COMMD10: variants seen among roughly 807,000 people sequenced by gnomAD.
COMMD10 encodes the protein COMM domain-containing protein 10.
In COMMD10, 33 loss-of-function variants were observed where a neutral mutation model predicts 28.9. The observed-to-expected ratio is 1.14, with a 90% CI of 0.87 to 1.53. The LOEUF is 1.53. COMMD10 is among the 40% of genes most tolerant of loss of function. The pLI is 0.00. For synonymous variants in COMMD10, 110 were observed against 81.7 expected, an observed-to-expected ratio of 1.35 and a Z score of -1.87; for missense variants, 310 against 233.4, an observed-to-expected ratio of 1.33 and a Z score of -2.14.
At chr5:116,231,963 C>A (rs2112655186) in intron 5 of COMMD10, among the ~76,000 whole-genome samples, 1 of 152,232 alleles carries the variant, frequency 6.6e-6, no homozygotes, top group Non-Finnish European at 1.5e-5. Context: ...AATGATACTA[C>A]TTCTCACCCC....
At chr5:116,108,732 G>GAAAA (rs1283255444) in intron 4 of COMMD10, among the ~76,000 whole-genome samples, 1 of 77,106 alleles carries the variant, frequency 1.3e-5, no homozygotes, top group African/African-American at 3.9e-5. Flanking sequence ...ATTGGGGTAT[G>GAAAA]AAAAAAACAA....
chr5:116,261,041 A>T, intron 5 of COMMD10, among the ~76,000 whole-genome samples: 1 of 151,706 alleles, frequency 6.6e-6, no homozygotes, highest in East Asian at 1.9e-4. Flanking sequence ...ACTTTTTTCT[A>T]GTAAAGCCAA....
At chr5:116,129,062 C>T (rs551156877) in intron 4 of COMMD10, among the ~76,000 whole-genome samples, 34 of 151,920 alleles carry the variant, frequency 2.2e-4, no homozygotes, top group African/African-American at 8.0e-4. Context: ...ACTATGTAAA[C>T]ATACAATTCC....
At chr5:116,279,871 C>T (rs2112706887) in intron 5 of COMMD10, among the ~76,000 whole-genome samples, 1 of 151,820 alleles carries the variant, frequency 6.6e-6, no homozygotes, top group South Asian at 2.1e-4. Flanking sequence ...GACACCCCAT[C>T]CGCTATATTT....
At chr5:116,114,732 C>T (rs559032597) in intron 4 of COMMD10, among the ~76,000 whole-genome samples, 11 of 152,166 alleles carry the variant, frequency 7.2e-5, no homozygotes, top group South Asian at 2.1e-4. Context: ...TCAGCATTGG[C>T]TGGCAAGTGG....
chr5:116,091,325 A>T, intron 3 of COMMD10, 136 bp downstream of exon 3: 2 of 470,060 alleles, frequency 4.3e-6, no homozygotes, highest in East Asian at 6.7e-5. Context: ...TTAGTTAAGA[A>T]TTTCAGTGTA....
intron 6 of COMMD10, among the ~76,000 whole-genome samples, chr5:116,292,069 C>T (rs974968566): frequency 3.3e-5 from 5 of 151,662 alleles, no homozygotes; most frequent in Non-Finnish European, 5.9e-5. Context: ...CTGGAGCATG[C>T]GTGTGGTTAT....
At position 116,293,009 on chromosome 5, in the gene COMMD10, T is replaced by C; in HGVS notation, c.*520T>C. The C allele has an allele frequency of 2.5e-6, 1 of 397,404 alleles. No individual in the cohort carries two copies. Among genetic ancestry groups the C allele is most frequent in the Non-Finnish European group, 4.4e-6 (1 of 225,290 alleles). The allele number at this position is 397,404 out of a possible 1,614,324, so 24.6% of individuals were successfully genotyped here. A position where few individuals can be genotyped will look rare whatever the true frequency, so the allele number is the denominator to read the frequency against. ...AATATAGGAAGGAAATGTAAAATAG[T>C]GAGTAGTATGGTATCAGTTAATTCC... On this transcript the variant is annotated 3_prime_UTR_variant, in exon 7 of 7. Coordinates refer to ENST00000274458, the MANE Select transcript of COMMD10 (RefSeq NM_016144.4).
intron 5 of COMMD10, among the ~76,000 whole-genome samples, chr5:116,164,013 C>T (rs1392514847): frequency 1.3e-5 from 2 of 151,978 alleles, no homozygotes; most frequent in African/African-American, 4.8e-5. Context: ...AACTATTTTC[C>T]TTAGTCAATA....
At chr5:116,099,972 C>G (rs1029503993) in intron 4 of COMMD10, among the ~76,000 whole-genome samples, 3 of 151,994 alleles carry the variant, frequency 2.0e-5, no homozygotes, top group African/African-American at 7.3e-5. Context: ...AATGAGATGT[C>G]TTGGGGATGG....
chr5:116,256,591 C>A (rs1020968582), intron 5 of COMMD10, among the ~76,000 whole-genome samples: 1 of 151,614 alleles, frequency 6.6e-6, no homozygotes, highest in African/African-American at 2.4e-5. Context: ...GTTGAGTATT[C>A]CTTATCCAAA....
At chr5:116,150,975 G>A (rs188175516) in intron 5 of COMMD10, among the ~76,000 whole-genome samples, 2 of 148,524 alleles carry the variant, frequency 1.3e-5, no homozygotes, top group African/African-American at 5.2e-5. Flanking sequence ...GCCCATTCAG[G>A]TATGATATTG....
intron 5 of COMMD10, among the ~76,000 whole-genome samples, chr5:116,209,194 A>C (rs1748896130): frequency 6.6e-6 from 1 of 152,008 alleles, no homozygotes; most frequent in African/African-American, 2.4e-5. Context: ...TTTTCTTATA[A>C]TTCCATGTGG....
rs1750417051 is a variant in COMMD10, at chr5:116,260,580, G to GAAAGA, written c.511-30936_511-30935insAAGAA. 2.0e-5 allele frequency among the ~76,000 whole-genome samples: 3 copies of GAAAGA among 151,552 alleles called. No individual in the cohort carries two copies. The South Asian group carries it at 6.2e-4, about 31-fold the overall frequency. On this transcript the variant is annotated intron_variant, in intron 5 of 6. Coordinates refer to ENST00000274458, the MANE Select transcript of COMMD10 (RefSeq NM_016144.4). ...TGTACTTTAATGGAGATCACAAAAG[G>GAAAGA]ACTTCACTGTCTTGTTCTATGCAAG...
chr5:116,194,677 T>C (rs762687908), intron 5 of COMMD10, among the ~76,000 whole-genome samples: 2 of 152,030 alleles, frequency 1.3e-5, no homozygotes, highest in Non-Finnish European at 2.9e-5. Context: ...AAATGGTAAG[T>C]TAAAAAATTA....
intron 5 of COMMD10, among the ~76,000 whole-genome samples, chr5:116,205,913 G>A (rs6874972): frequency 0.27 from 41,035 of 151,810 alleles, 7,417 homozygotes; most frequent in African/African-American, 0.52. Context: ...CTTATTTCCC[G>A]AAAACACTTT....
At chr5:116,085,160 C>A in intron 1 of COMMD10, 67 bp downstream of exon 1, 1 of 1,261,632 alleles carries the variant, frequency 7.9e-7, no homozygotes, top group Non-Finnish European at 1.0e-6. Flanking sequence ...TCGCACAAGG[C>A]TGTCCTTGCT....
chr5:116,119,862 C>A (rs906784274), intron 4 of COMMD10, among the ~76,000 whole-genome samples: 1 of 152,112 alleles, frequency 6.6e-6, no homozygotes, highest in Non-Finnish European at 1.5e-5. Context: ...GCAATTGGTC[C>A]CCCTGCCTCA....
intron 5 of COMMD10, among the ~76,000 whole-genome samples, chr5:116,154,758 A>G (rs888454818): frequency 7.4e-5 from 11 of 149,226 alleles, no homozygotes; most frequent in African/African-American, 2.7e-4. Context: ...CTTTTTGCAC[A>G]TACATTTTAA....
Sources: allele counts gnomAD v4.1 joint callset (sites outside exome capture counted in the v4.1 genomes callset), GRCh38; gene constraint gnomAD v4.1.1; transcripts MANE v1.5; gene names NCBI Gene and HGNC (gene_info 2026-07-23, HGNC 2026-07-21).